LRBA: variants seen among roughly 807,000 people sequenced by gnomAD.
LRBA encodes LPS responsive beige-like anchor protein.
A neutral mutation model predicts 330.0 loss-of-function variants in LRBA; 176 were observed. That is an observed-to-expected ratio of 0.53 (90% confidence interval 0.47 to 0.60). The LOEUF (loss-of-function observed/expected upper bound fraction) is 0.60, where lower values mean the gene tolerates loss of function less well. Among genes scored for constraint, LRBA ranks in the 20% least tolerant of loss-of-function variants. LRBA has a pLI of 0.00. For synonymous variants in LRBA, 1,230 were observed against 1,193.0 expected, an observed-to-expected ratio of 1.03 and a Z score of -0.64; for missense variants, 3,259 against 3,444.8, an observed-to-expected ratio of 0.95 and a Z score of 1.35.
At chr4:150,978,566 A>G (rs1740472687) in intron 2 of LRBA, among the ~76,000 whole-genome samples, 1 of 152,240 alleles carries the variant, frequency 6.6e-6, no homozygotes, top group South Asian at 2.1e-4. Context: ...GGAGAAACAG[A>G]GATATGTGGC....
At chr4:150,374,493 C>A (rs1328500129) in intron 47 of LRBA, among the ~76,000 whole-genome samples, 1 of 152,178 alleles carries the variant, frequency 6.6e-6, no homozygotes, top group African/African-American at 2.4e-5. Context: ...CAGCTTCAGA[C>A]TCCTGCTCTC....
In LRBA at chr4:150,905,964, T is replaced by C. The variant is rs1426381147; in HGVS notation, c.1629A>G (p.Ala543=). The part of the protein sequence containing the change: ...EKSSKSHVSR[A]VLELCLAFSK... The stretch of plus-strand genomic sequence containing the variant: ...AAAATGCAAGGCAAAGTTCAAGTAC[T>C]GCTCTGCTAACATGAGATTTGGAAG... Residue 543 remains alanine, a synonymous_variant, in exon 13 of 57, where the codon GCA becomes GCG. Coordinates refer to ENST00000651943, the MANE Select transcript of LRBA (RefSeq NM_001364905.1). 1 of 1,613,658 alleles carries C rather than the reference T, an allele frequency of 6.2e-7. No homozygotes were observed. The highest frequency in any genetic ancestry group is 1.7e-5 in the Admixed American group (1 of 59,972).
chr4:150,756,313 C>G (rs943128420), intron 35 of LRBA, among the ~76,000 whole-genome samples: 5 of 152,106 alleles, frequency 3.3e-5, no homozygotes, highest in Non-Finnish European at 5.9e-5. Context: ...GGATCACAAG[C>G]AAGCTGGCAA....
intron 44 of LRBA, among the ~76,000 whole-genome samples, chr4:150,449,288 A>C (rs192164966): frequency 6.6e-6 from 1 of 152,082 alleles, no homozygotes; most frequent in Non-Finnish European, 1.5e-5. Flanking sequence ...TCAAGAAGAC[A>C]TGTCCTGCAC....
intron 54 of LRBA, among the ~76,000 whole-genome samples, chr4:150,283,499 C>T (rs1747803945): frequency 6.6e-6 from 1 of 152,156 alleles, no homozygotes; most frequent in African/African-American, 2.4e-5. Flanking sequence ...GGGTATGCGC[C>T]CTGCTACTCT....
At chr4:150,508,517 G>A (rs1761441381) in intron 40 of LRBA, among the ~76,000 whole-genome samples, 1 of 152,112 alleles carries the variant, frequency 6.6e-6, no homozygotes. Flanking sequence ...TCGAACTCCT[G>A]ACCTCAAATG....
intron 48 of LRBA, among the ~76,000 whole-genome samples, chr4:150,346,181 A>G (rs1736271430): frequency 6.6e-6 from 1 of 152,180 alleles, no homozygotes; most frequent in African/African-American, 2.4e-5. Context: ...GCTAAGTAAC[A>G]AAGCGATATA....
chr4:150,965,259 G>C (rs955140561), intron 2 of LRBA, among the ~76,000 whole-genome samples: 36 of 152,164 alleles, frequency 2.4e-4, no homozygotes, highest in African/African-American at 8.4e-4. Context: ...GACAACCATG[G>C]TTCATCTATG....
At chr4:150,330,516 G>C (rs1733848311) in intron 48 of LRBA, among the ~76,000 whole-genome samples, 1 of 152,166 alleles carries the variant, frequency 6.6e-6, no homozygotes, top group Non-Finnish European at 1.5e-5. Context: ...TTGGAGGGGT[G>C]GATATGGTTT....
At chr4:150,719,804 C>T (rs548859810) in intron 36 of LRBA, among the ~76,000 whole-genome samples, 5 of 152,148 alleles carry the variant, frequency 3.3e-5, no homozygotes, top group African/African-American at 1.2e-4. Flanking sequence ...ACTGGTGAAG[C>T]AAGAAATTGA....
At chr4:150,481,262 A>G (rs1757266131) in intron 42 of LRBA, among the ~76,000 whole-genome samples, 1 of 151,934 alleles carries the variant, frequency 6.6e-6, no homozygotes, top group South Asian at 2.1e-4. Flanking sequence ...CACTGATTCC[A>G]TCTCTTTGCT....
intron 35 of LRBA, among the ~76,000 whole-genome samples, chr4:150,749,737 G>C (rs1733278287): frequency 6.6e-6 from 1 of 152,046 alleles, no homozygotes; most frequent in South Asian, 2.1e-4. Flanking sequence ...ATAACAGAGA[G>C]ACGCTGCCTG....
At chr4:150,571,574 C>T (rs967331174) in intron 40 of LRBA, among the ~76,000 whole-genome samples, 6 of 148,594 alleles carry the variant, frequency 4.0e-5, no homozygotes, top group Non-Finnish European at 5.9e-5. Context: ...GGCATTCACA[C>T]AGAAATATCA....
intron 2 of LRBA, among the ~76,000 whole-genome samples, chr4:150,987,071 A>T (rs1306652676): frequency 6.6e-6 from 1 of 152,236 alleles, no homozygotes; most frequent in Non-Finnish European, 1.5e-5. Context: ...GTTTTGTTCC[A>T]TATCAAGTTT....
chr4:151,014,069 A>G (rs564035703), intron 2 of LRBA: 110 of 173,482 alleles, frequency 6.3e-4, no homozygotes, highest in African/African-American at 2.4e-3. Context: ...AAAAGGTCAC[A>G]AGAAATTATT....
At chr4:150,981,604 C>G (rs1416730707) in intron 2 of LRBA, among the ~76,000 whole-genome samples, 4 of 151,940 alleles carry the variant, frequency 2.6e-5, no homozygotes, top group Non-Finnish European at 4.4e-5. Flanking sequence ...AAGAACAGAA[C>G]AGACAACTCA....
At chr4:150,624,621 T>C (rs543866204) in intron 37 of LRBA, among the ~76,000 whole-genome samples, 159 of 152,266 alleles carry the variant, frequency 1.0e-3, no homozygotes, top group Non-Finnish European at 2.0e-3. Context: ...TATACTAATG[T>C]TTATACATGT....
At chr4:150,812,842 TC>T (rs1743957511) in intron 31 of LRBA, among the ~76,000 whole-genome samples, 6 of 152,192 alleles carry the variant, frequency 3.9e-5, no homozygotes, top group Admixed American at 3.9e-4. Flanking sequence ...TTTGATTTAT[TC>T]ATTTATGCTT....
chr4:150,636,361 T>C (rs1777912919), intron 37 of LRBA, among the ~76,000 whole-genome samples: 1 of 152,158 alleles, frequency 6.6e-6, no homozygotes, highest in African/African-American at 2.4e-5. Flanking sequence ...TATTATCTAT[T>C]TTGACGTTTG....
Sources: allele counts gnomAD v4.1 joint callset (sites outside exome capture counted in the v4.1 genomes callset), GRCh38; gene constraint gnomAD v4.1.1; transcripts MANE v1.5; gene names NCBI Gene and HGNC (gene_info 2026-07-23, HGNC 2026-07-21).